The following NRG3 variants were observed in gnomAD, a reference collection of about 807,000 sequenced individuals.
The protein encoded by NRG3 is neuregulin 3.
NRG3 carries 31 observed loss-of-function variants against 66.9 expected under a neutral mutation model. That is an observed-to-expected ratio of 0.46 (90% CI 0.35 to 0.63). The LOEUF (loss-of-function observed/expected upper bound fraction) is 0.63, where lower values mean the gene tolerates loss of function less well. NRG3 is among the 20% of genes least tolerant of loss of function. The pLI, the probability that NRG3 is intolerant of heterozygous loss-of-function variation, is 0.00. For missense variants in NRG3, 910 were observed against 878.9 expected (o/e 1.04, Z -0.45); for synonymous variants, 393 against 359.4 (o/e 1.09, Z -1.06).
Position 82,919,097 on chromosome 10 carries a change from GTGTA to G in NRG3, c.1055-32368_1055-32365del, listed in dbSNP as rs1331602244. On this transcript the variant is annotated intron_variant, in intron 4 of 8. Transcript: ENST00000372141. ...TGTGTGTGTGTGTGTGTGTGTGTGTGTGTATGTGTGTGTGTTCCTATTACAAGTA... is the reference window on the plus strand; with the variant it reads ...TGTGTGTGTGTGTGTGTGTGTGTGTGTGTGTGTGTGTTCCTATTACAAGTA... Among the ~76,000 whole-genome samples, 910 of 115,964 alleles carry G rather than the reference GTGTA, an allele frequency of 7.8e-3. 12 individuals are homozygous for G. Among genetic ancestry groups the G allele is most frequent in the African/African-American group, 0.029 (808 of 27,404 alleles). The allele number at this position is 115,964 out of a possible 152,430, so 76.1% of individuals were successfully genotyped here. A position where few individuals can be genotyped will look rare whatever the true frequency, so the allele number is the denominator to read the frequency against.
chr10:82,980,987 A>G (rs1415845192), intron 8 of NRG3, among the ~76,000 whole-genome samples: 2 of 152,222 alleles, frequency 1.3e-5, no homozygotes, highest in Non-Finnish European at 2.9e-5. Context: ...GAATGTTACA[A>G]GAACAAGTGA....
chr10:82,008,291 A>G (rs2061449625), intron 1 of NRG3, among the ~76,000 whole-genome samples: 1 of 152,210 alleles, frequency 6.6e-6, no homozygotes, highest in Non-Finnish European at 1.5e-5. Flanking sequence ...GAACTTGACC[A>G]CACTATTGAG....
At chr10:82,085,235 C>T (rs756502679) in intron 1 of NRG3, among the ~76,000 whole-genome samples, 20 of 152,076 alleles carry the variant, frequency 1.3e-4, no homozygotes, top group African/African-American at 2.9e-4. Flanking sequence ...TTTACCAGGA[C>T]GCATCATCTG....
chr10:82,238,406 T>G (rs2076853744), intron 1 of NRG3, among the ~76,000 whole-genome samples: 1 of 152,184 alleles, frequency 6.6e-6, no homozygotes, highest in Non-Finnish European at 1.5e-5. Flanking sequence ...TGACAACTAT[T>G]ATCTCAATTT....
chr10:82,848,094 G>A (rs1054514550), intron 3 of NRG3, among the ~76,000 whole-genome samples: 5 of 152,174 alleles, frequency 3.3e-5, no homozygotes, highest in Non-Finnish European at 5.9e-5. Context: ...GGCCTTTGCT[G>A]CACTTCAATA....
intron 2 of NRG3, among the ~76,000 whole-genome samples, chr10:82,664,330 A>G (rs1259260775): frequency 1.3e-5 from 2 of 152,216 alleles, no homozygotes; most frequent in Non-Finnish European, 2.9e-5. Flanking sequence ...CTGATTAAAA[A>G]GTAGATATCC....
At chr10:82,271,847 T>C (rs1252608162) in intron 1 of NRG3, among the ~76,000 whole-genome samples, 1 of 152,144 alleles carries the variant, frequency 6.6e-6, no homozygotes, top group African/African-American at 2.4e-5. Flanking sequence ...GCTTATCTTG[T>C]TCTTTTCCTG....
chr10:82,104,652 A>G (rs115243627), intron 1 of NRG3, among the ~76,000 whole-genome samples: 464 of 152,328 alleles, frequency 3.0e-3, no homozygotes, highest in African/African-American at 0.011. Context: ...TGTGGATATT[A>G]TGGTTATGAA....
intron 2 of NRG3, among the ~76,000 whole-genome samples, chr10:82,539,063 G>T (rs1285799146): frequency 6.6e-6 from 1 of 152,148 alleles, no homozygotes; most frequent in African/African-American, 2.4e-5. Flanking sequence ...AAGAGAAACT[G>T]GTGTATAATT....
At chr10:82,313,433 T>C (rs1446107265) in intron 1 of NRG3, among the ~76,000 whole-genome samples, 4 of 152,144 alleles carry the variant, frequency 2.6e-5, no homozygotes, top group African/African-American at 9.7e-5. Flanking sequence ...ATGTCATCTT[T>C]TAGTTGAGCC....
At chr10:82,256,144 G>A (rs572019113) in intron 1 of NRG3, among the ~76,000 whole-genome samples, 4 of 151,618 alleles carry the variant, frequency 2.6e-5, no homozygotes, top group East Asian at 3.9e-4. Flanking sequence ...GGCTGGTCTC[G>A]AACTCCTGAC....
chr10:82,490,676 T>C (rs973618919), intron 2 of NRG3, among the ~76,000 whole-genome samples: 85 of 152,170 alleles, frequency 5.6e-4, no homozygotes, highest in Non-Finnish European at 8.8e-5. Flanking sequence ...CTACCTTATA[T>C]CCCTATTTGG....
At chr10:82,009,398 G>A (rs938006550) in intron 1 of NRG3, among the ~76,000 whole-genome samples, 2 of 151,866 alleles carry the variant, frequency 1.3e-5, no homozygotes, top group African/African-American at 4.8e-5. Flanking sequence ...AGTGTTCTTG[G>A]GGTCCTTAGG....
At chr10:82,465,735 C>T (rs1289970637) in intron 2 of NRG3, among the ~76,000 whole-genome samples, 3 of 152,072 alleles carry the variant, frequency 2.0e-5, no homozygotes, top group Admixed American at 6.5e-5. Flanking sequence ...TGATGTCACA[C>T]GGACCTTGTA....
At chr10:82,726,709 G>A (rs2057623592) in intron 2 of NRG3, among the ~76,000 whole-genome samples, 1 of 152,104 alleles carries the variant, frequency 6.6e-6, no homozygotes, top group South Asian at 2.1e-4. Context: ...GCGGGACCCT[G>A]CTGAAAAGAT....
At chr10:82,228,254 A>T (rs1034602192) in intron 1 of NRG3, among the ~76,000 whole-genome samples, 1 of 152,158 alleles carries the variant, frequency 6.6e-6, no homozygotes, top group African/African-American at 2.4e-5. Context: ...TATAAACATA[A>T]ATTTATGTGG....
chr10:82,911,514 A>G (rs1436676417), intron 4 of NRG3, among the ~76,000 whole-genome samples: 1 of 151,860 alleles, frequency 6.6e-6, no homozygotes, highest in Non-Finnish European at 1.5e-5. Context: ...TATATAATTT[A>G]TAAAATTTGT....
intron 1 of NRG3, among the ~76,000 whole-genome samples, chr10:81,958,995 T>TA (rs1850100825): frequency 6.6e-6 from 1 of 152,214 alleles, no homozygotes; most frequent in Non-Finnish European, 1.5e-5. Context: ...AATAAATGTC[T>TA]ACATTTCTTT....
intron 1 of NRG3, among the ~76,000 whole-genome samples, chr10:82,052,047 G>A (rs1015229449): frequency 1.0e-5 from 1 of 96,834 alleles, no homozygotes; most frequent in Non-Finnish European, 2.3e-5. Context: ...TTTTTTTTTT[G>A]GTACGCTAAC....
Sources: allele counts gnomAD v4.1 joint callset (sites outside exome capture counted in the v4.1 genomes callset), GRCh38; gene constraint gnomAD v4.1.1; transcripts MANE v1.5; gene names NCBI Gene and HGNC (gene_info 2026-07-23, HGNC 2026-07-21).